WIF1: variants seen among roughly 807,000 people sequenced by gnomAD.
The protein encoded by WIF1 is Wnt inhibitory factor 1.
A neutral mutation model predicts 53.5 loss-of-function variants in WIF1; 35 were observed. The ratio of observed to expected loss-of-function variants is 0.65; its 90% confidence interval spans 0.50 to 0.87. WIF1 has a LOEUF of 0.87. Ranked by LOEUF, WIF1 falls within the 40% of genes least tolerant of loss-of-function variation. The pLI is 0.00. For synonymous variants in WIF1, 171 were observed against 170.4 expected (o/e 1.00, Z -0.03); for missense variants, 467 against 476.8 (o/e 0.98, Z 0.19).
intron 2 of WIF1, among the ~76,000 whole-genome samples, chr12:65,106,197 G>A (rs1322063116): frequency 6.6e-6 from 1 of 152,040 alleles, no homozygotes; most frequent in Non-Finnish European, 1.5e-5. Flanking sequence ...CAGTAGAGGG[G>A]ACAGGTTGGC....
At chr12:65,115,915 T>C (rs1307222901) in intron 2 of WIF1, among the ~76,000 whole-genome samples, 1 of 152,232 alleles carries the variant, frequency 6.6e-6, no homozygotes, top group Non-Finnish European at 1.5e-5. Context: ...ATGAAAATCA[T>C]TGGTGTTATC....
intron 2 of WIF1, among the ~76,000 whole-genome samples, chr12:65,080,724 G>A (rs184864405): frequency 1.3e-5 from 2 of 152,236 alleles, no homozygotes; most frequent in African/African-American, 4.8e-5. Context: ...TGGGTGTAAT[G>A]CACACCATGT....
chr12:65,081,656 G>T (rs1882952571), intron 2 of WIF1, among the ~76,000 whole-genome samples: 1 of 152,074 alleles, frequency 6.6e-6, no homozygotes, highest in African/African-American at 2.4e-5. Context: ...GCAGGAACTG[G>T]TTTCTTTCTT....
At chr12:65,089,298 A>G (rs1015778345) in intron 2 of WIF1, among the ~76,000 whole-genome samples, 1 of 152,062 alleles carries the variant, frequency 6.6e-6, no homozygotes, top group Non-Finnish European at 1.5e-5. Context: ...TTTCTTACCA[A>G]CTACCTCCAC....
At position 65,095,848 on chromosome 12, in the gene WIF1, A is replaced by T. The variant is rs985877372; in HGVS notation, c.289-17994T>A. 3 of 152,208 alleles carry T rather than the reference A, an allele frequency of 2.0e-5. No homozygotes were observed. In the South Asian group the frequency reaches 6.2e-4, roughly 32 times the overall value. 9.4% of individuals were successfully genotyped at this position (152,208 alleles called of 1,614,324 possible). On this transcript the variant is annotated intron_variant, in intron 2 of 9. Coordinates refer to ENST00000286574, the MANE Select transcript of WIF1 (RefSeq NM_007191.5). The stretch of plus-strand genomic sequence containing the variant: ...GACATGCAAATTCATGAAGCATTCC[A>T]TATTTTTCAAAACTTAATTCAAGAT...
intron 2 of WIF1, among the ~76,000 whole-genome samples, chr12:65,100,833 C>T (rs770585346): frequency 6.6e-6 from 1 of 151,768 alleles, no homozygotes; most frequent in Non-Finnish European, 1.5e-5. Context: ...CTAGCCTGGG[C>T]AACATACTGA....
chr12:65,067,497 C>T (rs1217510627), intron 5 of WIF1, among the ~76,000 whole-genome samples, 198 bp downstream of exon 5: 1 of 152,160 alleles, frequency 6.6e-6, no homozygotes, highest in African/African-American at 2.4e-5. Flanking sequence ...AGTACAGTGG[C>T]TATATTTCTG....
intron 2 of WIF1, among the ~76,000 whole-genome samples, chr12:65,117,108 T>C (rs752161865): frequency 2.6e-5 from 4 of 152,162 alleles, no homozygotes; most frequent in Non-Finnish European, 4.4e-5. Context: ...TCTGCCACTA[T>C]TGCTGGACCC....
At chr12:65,107,584 C>T (rs1174960749) in intron 2 of WIF1, among the ~76,000 whole-genome samples, 2 of 152,204 alleles carry the variant, frequency 1.3e-5, no homozygotes, top group Non-Finnish European at 2.9e-5. Flanking sequence ...CATGCCATTG[C>T]ACCCCAGCTT....
chr12:65,097,829 C>G (rs1450375308), intron 2 of WIF1, among the ~76,000 whole-genome samples: 1 of 152,120 alleles, frequency 6.6e-6, no homozygotes, highest in African/African-American at 2.4e-5. Context: ...GGTGTCTTCC[C>G]TTAATTTTCT....
chr12:65,067,913 A>G (rs1195259465), intron 4 of WIF1, 123 bp from the exon 5 acceptor site: 2 of 752,192 alleles, frequency 2.7e-6, no homozygotes, highest in Non-Finnish European at 4.3e-6. Flanking sequence ...TAATTGATCA[A>G]ATACCAGTAC....
intron 2 of WIF1, among the ~76,000 whole-genome samples, chr12:65,116,673 G>A (rs1396064726): frequency 4.6e-5 from 7 of 151,730 alleles, no homozygotes; most frequent in African/African-American, 9.7e-5. Flanking sequence ...GGTGGCTCAC[G>A]CCTGTAATCC....
chr12:65,053,674 G>A (rs1192478708), intron 9 of WIF1, among the ~76,000 whole-genome samples: 1 of 152,046 alleles, frequency 6.6e-6, no homozygotes, highest in Non-Finnish European at 1.5e-5. Context: ...AGCAGTGTGA[G>A]AACAGACTAA....
chr12:65,084,024 T>C (rs1443768489), intron 2 of WIF1, among the ~76,000 whole-genome samples: 1 of 151,914 alleles, frequency 6.6e-6, no homozygotes. Flanking sequence ...TCTTTTTAGC[T>C]GCCAATGGTC....
chr12:65,057,632 T>C (rs1442607845), intron 7 of WIF1, among the ~76,000 whole-genome samples: 1 of 152,178 alleles, frequency 6.6e-6, no homozygotes, highest in Non-Finnish European at 1.5e-5. Flanking sequence ...GTTCTTTTTC[T>C]TTTCTTTTTA....
intron 2 of WIF1, among the ~76,000 whole-genome samples, chr12:65,087,559 T>C (rs1204791626): frequency 6.6e-6 from 1 of 152,182 alleles, no homozygotes; most frequent in Non-Finnish European, 1.5e-5. Flanking sequence ...TAGGTAGTTT[T>C]CTTAAATTCT....
At chr12:65,099,432 T>C (rs1883248643) in intron 2 of WIF1, among the ~76,000 whole-genome samples, 1 of 152,230 alleles carries the variant, frequency 6.6e-6, no homozygotes. Context: ...CTACAGAAGA[T>C]GCTCTGCAGC....
rs773931716 is a variant in WIF1 at position 65,051,318 on chromosome 12, G to C, written c.*31C>G. 1 of 1,602,440 alleles carries C rather than the reference G, an allele frequency of 6.2e-7. No homozygotes were observed. Among genetic ancestry groups the C allele is most frequent in the Non-Finnish European group, 8.5e-7 (1 of 1,174,606 alleles). ...AAGGTTAACAAAGGCTATGAACTTG[G>C]TGTAACTTAAAACGTTTCAGATGTC... On this transcript the variant is annotated 3_prime_UTR_variant, in exon 10 of 10. Coordinates refer to ENST00000286574, the MANE Select transcript of WIF1 (RefSeq NM_007191.5).
At chr12:65,061,033 C>A (rs937227258) in intron 7 of WIF1, among the ~76,000 whole-genome samples, 2 of 152,018 alleles carry the variant, frequency 1.3e-5, no homozygotes, top group Non-Finnish European at 2.9e-5. Flanking sequence ...AACCATGAAC[C>A]AAGTAAGTGT....
Sources: gnomAD v4.1 joint callset for allele counts (sites outside exome capture counted in the v4.1 genomes callset) on GRCh38, gnomAD v4.1.1 for gene constraint, MANE v1.5 for transcripts, NCBI Gene and HGNC (gene_info 2026-07-23, HGNC 2026-07-21) for gene names.